Variants in POLR3F observed in about 807,000 individuals in gnomAD.
POLR3F encodes DNA-directed RNA polymerase III subunit RPC6.
A neutral mutation model predicts 43.6 loss-of-function variants in POLR3F; 31 were observed. The observed-to-expected ratio is 0.71, with a 90% confidence interval of 0.53 to 0.96. The LOEUF (loss-of-function observed/expected upper bound fraction) is 0.96. Ranked by LOEUF, POLR3F falls within the 40% of genes least tolerant of loss-of-function variation. The pLI, the probability that POLR3F is intolerant of heterozygous loss-of-function variation, is 0.00. For synonymous variants in POLR3F, 114 were observed against 132.5 expected (o/e 0.86, Z 0.96); for missense variants, 316 against 391.7 (o/e 0.81, Z 1.63).
chr20:18,476,926 T>A (rs1252118909), intron 5 of POLR3F, among the ~76,000 whole-genome samples: 1 of 151,852 alleles, frequency 6.6e-6, no homozygotes, highest in South Asian at 2.1e-4. Flanking sequence ...AATACAAAAT[T>A]ATCCAGGCGT....
intron 5 of POLR3F, among the ~76,000 whole-genome samples, chr20:18,476,741 A>G (rs2059782647): frequency 6.6e-6 from 1 of 152,232 alleles, no homozygotes. Flanking sequence ...TTACATACTA[A>G]AAGATATTTG....
chr20:18,484,204 A>G lies in POLR3F; in HGVS notation c.*646A>G. ...CTACTGTCAAGGACATATTTTCAGT[A>G]CATAAATACTATCATTTTCATTCTA... On this transcript the variant is annotated 3_prime_UTR_variant, in exon 9 of 9. Coordinates refer to ENST00000377603, the MANE Select transcript of POLR3F (RefSeq NM_006466.4). 1 of 398,552 alleles carries G rather than the reference A, an allele frequency of 2.5e-6. No individual in the cohort carries two copies. The allele number at this position is 398,552 out of a possible 1,614,324, so 24.7% of individuals were successfully genotyped here. A position where few individuals can be genotyped will look rare whatever the true frequency, so the allele number is the denominator to read the frequency against.
chr20:18,472,943 T>C (rs750942973), intron 3 of POLR3F, 34 bp downstream of exon 3: 3 of 1,003,386 alleles, frequency 3.0e-6, no homozygotes, highest in Non-Finnish European at 3.1e-6. Context: ...TAAGAAAATG[T>C]TTATTATTTG....
At chr20:18,481,376 G>A (rs2148867740) in intron 7 of POLR3F, among the ~76,000 whole-genome samples, 1 of 148,924 alleles carries the variant, frequency 6.7e-6, no homozygotes, top group South Asian at 2.2e-4. Flanking sequence ...CGAGTAGGTG[G>A]GATTACAAGT....
intron 5 of POLR3F, among the ~76,000 whole-genome samples, chr20:18,478,775 A>T (rs2059793716): frequency 6.6e-6 from 1 of 152,190 alleles, no homozygotes. Flanking sequence ...AGAAGTGATG[A>T]CATCCCGATG....
At chr20:18,471,906 C>T (rs905684166) in intron 2 of POLR3F, among the ~76,000 whole-genome samples, 1 of 152,144 alleles carries the variant, frequency 6.6e-6, no homozygotes, top group African/African-American at 2.4e-5. Context: ...CGCATGAACC[C>T]GGGAGGCAGA....
chr20:18,467,480 C>G lies in POLR3F; in HGVS notation c.-27C>G, dbSNP rs75004098. 3 of 1,613,932 alleles carry G rather than the reference C, an allele frequency of 1.9e-6. No individual in the cohort carries two copies. On this transcript the variant is annotated 5_prime_UTR_variant, in exon 1 of 9. Coordinates refer to ENST00000377603, the MANE Select transcript of POLR3F (RefSeq NM_006466.4). ...TACCGGGCTGCTCCGTGCATCTTTC[C>G]CCCCAGGCGTCAGGAACTGCGCCCT...
At chr20:18,471,370 G>T (rs1380512910) in intron 2 of POLR3F, among the ~76,000 whole-genome samples, 1 of 152,116 alleles carries the variant, frequency 6.6e-6, no homozygotes, top group African/African-American at 2.4e-5. Context: ...CCCCAGGTTG[G>T]GCCGCAGCCT....
At position 18,478,047 on chromosome 20, in the gene POLR3F, G is replaced by C. The variant is rs1309913792; in HGVS notation, c.430-1991G>C. Among the ~76,000 whole-genome samples, 3 of 152,040 alleles carry C rather than the reference G, an allele frequency of 2.0e-5. No homozygotes were observed. In the East Asian group the frequency reaches 5.8e-4, roughly 29 times the overall value. Reference sequence around the variant, plus strand: ...ATCATGCGGTTGGTCTTTCCAGCATGGACAACTCCTATCCTGAAACTATTT... The same window carrying C: ...ATCATGCGGTTGGTCTTTCCAGCATCGACAACTCCTATCCTGAAACTATTT... On this transcript the variant is annotated intron_variant, in intron 5 of 8. Transcript: ENST00000377603.
At chr20:18,470,705 C>T (rs1211818306) in intron 2 of POLR3F, 10 of 154,378 alleles carry the variant, frequency 6.5e-5, no homozygotes, top group Non-Finnish European at 7.3e-5. Flanking sequence ...TGAAAATCAT[C>T]TTCAGCACCT....
intron 7 of POLR3F, among the ~76,000 whole-genome samples, chr20:18,480,986 C>G (rs117059515): frequency 4.6e-5 from 7 of 152,092 alleles, no homozygotes; most frequent in Non-Finnish European, 8.8e-5. Flanking sequence ...GTCTAAAGTG[C>G]CTTTCTGCTC....
In POLR3F at chr20:18,467,588, GCTTGGCACTCCAT is replaced by G. The variant is rs1394180064; in HGVS notation, c.62+22_62+34del. The G allele has an allele frequency of 1.9e-6, 3 of 1,614,186 alleles. No homozygotes were observed. In the East Asian group the frequency reaches 6.7e-5, roughly 36 times the overall value. On this transcript the variant is annotated intron_variant, in intron 1 of 8. Coordinates refer to ENST00000377603, the MANE Select transcript of POLR3F (RefSeq NM_006466.4). Reference sequence around the variant, plus strand: ...AAACAGGTAAACCAGTGAGGCTCCGGCTTGGCACTCCATCAGGCGCCCAGTCATTTGGGCAGCT... The same window carrying G: ...AAACAGGTAAACCAGTGAGGCTCCGGCAGGCGCCCAGTCATTTGGGCAGCT...
intron 1 of POLR3F, 99 bp downstream of exon 1, chr20:18,467,667 G>A (rs1398530808): frequency 7.0e-6 from 11 of 1,579,352 alleles, no homozygotes; most frequent in Non-Finnish European, 7.7e-6. Flanking sequence ...GCCGGAGCGG[G>A]TTAGGTGAGC....
intron 1 of POLR3F, chr20:18,467,802 C>A: frequency 1.3e-6 from 1 of 782,962 alleles, no homozygotes; most frequent in Non-Finnish European, 1.9e-6. Flanking sequence ...TGGCTTTGCC[C>A]TGATACTTTT....
At chr20:18,482,897 G>A (rs554804595) in intron 8 of POLR3F, among the ~76,000 whole-genome samples, 4 of 152,240 alleles carry the variant, frequency 2.6e-5, no homozygotes, top group African/African-American at 9.6e-5. Context: ...TCAAAATTAA[G>A]TCATTCATAT....
chr20:18,476,378 C>G (rs2059780539), intron 5 of POLR3F, among the ~76,000 whole-genome samples: 1 of 152,202 alleles, frequency 6.6e-6, no homozygotes. Context: ...TGTATGACTA[C>G]TTTGACTTAG....
rs774657064 is a variant in POLR3F at position 18,472,916 on chromosome 20, A to G, written c.248+7A>G. 4.6e-6 allele frequency: 6 copies of G among 1,312,302 alleles called. No homozygotes were observed. Among genetic ancestry groups the G allele is most frequent in the Admixed American group, 1.9e-5 (1 of 51,656 alleles). The allele number at this position is 1,312,302 out of a possible 1,614,324, so 81.3% of individuals were successfully genotyped here. On this transcript the variant is annotated splice_region_variant and intron_variant, in intron 3 of 8. Coordinates refer to ENST00000377603, the MANE Select transcript of POLR3F (RefSeq NM_006466.4). ...AGGACTCTCAGAATGCTGGGTAAGT[A>G]CTTGTTTTTTTAATTTTAAGAAAAT...
chr20:18,469,373 A>ATG, intron 2 of POLR3F: 1 of 241,268 alleles, frequency 4.1e-6, no homozygotes, highest in South Asian at 6.0e-5. Context: ...GAGCTGGGCT[A>ATG]TGAATCTTGT....
chr20:18,472,729 A>G, intron 2 of POLR3F, 113 bp from the exon 3 acceptor site: 1 of 593,710 alleles, frequency 1.7e-6, no homozygotes, highest in Non-Finnish European at 3.0e-6. Context: ...TTTTGAGATT[A>G]AAGAGCAGGT....
Sources: allele counts gnomAD v4.1 joint callset (sites outside exome capture counted in the v4.1 genomes callset), GRCh38; gene constraint gnomAD v4.1.1; transcripts MANE v1.5; gene names NCBI Gene and HGNC (gene_info 2026-07-23, HGNC 2026-07-21).